EEPD1: variants seen among roughly 807,000 people sequenced by gnomAD.
EEPD1 encodes endonuclease/exonuclease/phosphatase family domain containing 1.
EEPD1 carries 17 observed loss-of-function variants against 46.3 expected under a neutral mutation model. The observed-to-expected ratio is 0.37, with a 90% CI of 0.25 to 0.55. EEPD1 has a LOEUF of 0.55. EEPD1 is among the 20% of genes least tolerant of loss of function. The pLI is 0.83. For missense variants in EEPD1, 673 were observed against 745.6 expected (o/e 0.90, Z 1.13); for synonymous variants, 313 against 315.6 (o/e 0.99, Z 0.09).
chr7:36,255,352 A>T (rs1341235037), intron 3 of EEPD1, among the ~76,000 whole-genome samples: 1 of 152,238 alleles, frequency 6.6e-6, no homozygotes, highest in Non-Finnish European at 1.5e-5. Flanking sequence ...AGTTTTCTGC[A>T]TATGGCTAGC....
intron 2 of EEPD1, among the ~76,000 whole-genome samples, chr7:36,180,065 G>A (rs1785248119): frequency 6.6e-6 from 1 of 152,146 alleles, no homozygotes; most frequent in Non-Finnish European, 1.5e-5. Flanking sequence ...CCCACCTGAG[G>A]GACTTGGATA....
intron 2 of EEPD1, among the ~76,000 whole-genome samples, chr7:36,171,169 C>T (rs971768587): frequency 4.6e-5 from 7 of 152,196 alleles, no homozygotes; most frequent in Non-Finnish European, 7.3e-5. Context: ...ATAATCCTCC[C>T]ACCTTGGCCT....
intron 2 of EEPD1, among the ~76,000 whole-genome samples, chr7:36,227,688 G>T (rs1786252332): frequency 6.6e-6 from 1 of 151,834 alleles, no homozygotes. Flanking sequence ...GGTTTTTTTG[G>T]TTTTTGTTTT....
chr7:36,255,766 C>T (rs913318284), intron 3 of EEPD1, among the ~76,000 whole-genome samples: 2 of 152,050 alleles, frequency 1.3e-5, no homozygotes, highest in Non-Finnish European at 2.9e-5. Flanking sequence ...TTAATCTTTT[C>T]AAAAAACCAG....
intron 2 of EEPD1, among the ~76,000 whole-genome samples, chr7:36,191,602 G>A (rs186559246): frequency 1.8e-4 from 28 of 152,304 alleles, no homozygotes; most frequent in Admixed American, 9.2e-4. Context: ...CTGGTTTTCC[G>A]CAGTGAGATT....
chr7:36,206,968 G>T (rs1785831443), intron 2 of EEPD1, among the ~76,000 whole-genome samples: 1 of 152,200 alleles, frequency 6.6e-6, no homozygotes, highest in Non-Finnish European at 1.5e-5. Context: ...AGAATTGCTT[G>T]AACCTGGGAA....
intron 2 of EEPD1, among the ~76,000 whole-genome samples, chr7:36,184,741 A>T (rs1042490478): frequency 5.9e-5 from 9 of 151,940 alleles, no homozygotes; most frequent in Admixed American, 6.6e-5. Context: ...ATTAAAAAAA[A>T]TTTTTTTGAG....
intron 5 of EEPD1, among the ~76,000 whole-genome samples, chr7:36,287,371 T>C (rs1216866572): frequency 6.6e-6 from 1 of 151,654 alleles, no homozygotes; most frequent in Non-Finnish European, 1.5e-5. Flanking sequence ...GATATGCAGA[T>C]ATGCCCAATC....
At chr7:36,208,249 C>T (rs1191296059) in intron 2 of EEPD1, among the ~76,000 whole-genome samples, 1 of 152,166 alleles carries the variant, frequency 6.6e-6, no homozygotes, top group African/African-American at 2.4e-5. Context: ...GCACAGGCAG[C>T]CTGCTCAACT....
At chr7:36,278,072 G>A (rs889794911) in intron 3 of EEPD1, among the ~76,000 whole-genome samples, 1 of 152,152 alleles carries the variant, frequency 6.6e-6, no homozygotes, top group Non-Finnish European at 1.5e-5. Flanking sequence ...AGACTTCTAG[G>A]CCCCGCCCCT....
Position 36,154,358 on chromosome 7 carries a change from C to T in EEPD1, c.34C>T (p.Pro12Ser). 1 of 1,612,846 alleles carries T rather than the reference C, an allele frequency of 6.2e-7. No individual in the cohort carries two copies. Among genetic ancestry groups the T allele is most frequent in the Non-Finnish European group, 8.5e-7 (1 of 1,179,998 alleles). Residue 12 changes from proline (P) to serine (S), a missense_variant, in exon 2 of 8, where the codon CCC becomes TCC. Transcript: ENST00000242108. The surrounding 1 kb of genome is among the most constrained non-coding windows in gnomAD (Gnocchi z 4.2). ...GSTLGCHRSIPRDPSDLSHSR... is the reference protein window; with the variant it reads ...GSTLGCHRSISRDPSDLSHSR... ...CACCCTGGGCTGCCACCGCTCCATCCCCAGGGACCCCTCGGACCTGTCCCA... is the reference window on the plus strand; with the variant it reads ...CACCCTGGGCTGCCACCGCTCCATCTCCAGGGACCCCTCGGACCTGTCCCA...
chr7:36,251,106 G>A (rs1332246154), intron 3 of EEPD1, among the ~76,000 whole-genome samples: 3 of 152,124 alleles, frequency 2.0e-5, no homozygotes, highest in African/African-American at 7.2e-5. Context: ...GACCCCATAT[G>A]GGTTATTCTA....
chr7:36,241,672 G>A (rs1583828843), intron 3 of EEPD1, among the ~76,000 whole-genome samples: 1 of 152,092 alleles, frequency 6.6e-6, no homozygotes, highest in East Asian at 1.9e-4. Flanking sequence ...TTCAAGACCA[G>A]CCTGGCCAAC....
chr7:36,217,696 T>C (rs908197281), intron 2 of EEPD1, among the ~76,000 whole-genome samples: 5 of 152,222 alleles, frequency 3.3e-5, no homozygotes, highest in African/African-American at 1.2e-4. Context: ...ATAATTGCTA[T>C]TGTAAACAAC....
intron 3 of EEPD1, among the ~76,000 whole-genome samples, chr7:36,277,409 A>G (rs1414151850): frequency 1.3e-5 from 2 of 152,224 alleles, no homozygotes; most frequent in Non-Finnish European, 2.9e-5. Context: ...GTACAGGTCA[A>G]CAGGAAGGCT....
At position 36,193,374 on chromosome 7, in the gene EEPD1, AG is replaced by A. The variant is rs1583799358; in HGVS notation, c.878+38173del. Among the ~76,000 whole-genome samples, 1 of 152,330 alleles carries A rather than the reference AG, an allele frequency of 6.6e-6. No homozygotes were observed. Among genetic ancestry groups the A allele is most frequent in the East Asian group, 1.9e-4 (1 of 5,178 alleles). ...TGAAGGCGGGATGAGGTATGGCCAG[AG>A]AGCAGAGGGAATGCCACACAGGAGG... On this transcript the variant is annotated intron_variant, in intron 2 of 7. Coordinates refer to ENST00000242108, the MANE Select transcript of EEPD1 (RefSeq NM_030636.3). This position sits in a 1 kb window ranked among gnomAD's most constrained non-coding sequence, Gnocchi z 4.9.
In EEPD1 at chr7:36,193,529, C is replaced by G. The variant is rs188160858; in HGVS notation, c.878+38327C>G. Among the ~76,000 whole-genome samples the G allele has an allele frequency of 9.3e-4, 141 of 152,274 alleles. 2 individuals are homozygous for G. The highest frequency in any genetic ancestry group is 3.1e-3 in the African/African-American group (130 of 41,554). ...GCCATGGGAAGCACCCAGGGCTGGG[C>G]TCTGGGTGTATCTTCTGTGTTTTGA... On this transcript the variant is annotated intron_variant, in intron 2 of 7. Coordinates refer to ENST00000242108, the MANE Select transcript of EEPD1 (RefSeq NM_030636.3). This position sits in a 1 kb window ranked among gnomAD's most constrained non-coding sequence, Gnocchi z 4.9.
intron 2 of EEPD1, among the ~76,000 whole-genome samples, chr7:36,166,153 A>G (rs903253908): frequency 6.6e-6 from 1 of 152,222 alleles, no homozygotes; most frequent in African/African-American, 2.4e-5. Context: ...GTGAAACTGC[A>G]CAAGAAACTG....
chr7:36,247,981 G>A (rs1462259047), intron 3 of EEPD1, among the ~76,000 whole-genome samples: 2 of 152,110 alleles, frequency 1.3e-5, no homozygotes, highest in African/African-American at 4.8e-5. Context: ...GACGCAGAAG[G>A]AGGTTCTGGG....
Sources: allele counts gnomAD v4.1 joint callset (sites outside exome capture counted in the v4.1 genomes callset), GRCh38; gene constraint gnomAD v4.1.1; non-coding constraint Gnocchi (gnomAD v3.1); transcripts MANE v1.5; gene names NCBI Gene and HGNC (gene_info 2026-07-23, HGNC 2026-07-21).